LIAS: variants seen among roughly 807,000 people sequenced by gnomAD.
The protein encoded by LIAS is lipoyl synthase, mitochondrial.
Under a neutral mutation model 49.4 loss-of-function variants are expected in LIAS, and 36 were observed. The ratio of observed to expected loss-of-function variants is 0.73; its 90% CI spans 0.56 to 0.96. The LOEUF is 0.96. LIAS is among the 40% of genes least tolerant of loss of function. The pLI, the probability that LIAS is intolerant of heterozygous loss-of-function variation, is 0.00. For synonymous variants in LIAS, 145 were observed against 155.8 expected (o/e 0.93, Z 0.52); for missense variants, 399 against 456.3 (o/e 0.87, Z 1.14).
At chr4:39,469,066 G>A (rs567864771) in intron 7 of LIAS, 3 of 151,962 alleles carry the variant, frequency 2.0e-5, no homozygotes, top group African/African-American at 4.8e-5. Flanking sequence ...TTTAAGCTTC[G>A]GGCAAGAGTA....
At chr4:39,465,733 C>A (rs929015788) in intron 6 of LIAS, among the ~76,000 whole-genome samples, 7 of 150,610 alleles carry the variant, frequency 4.6e-5, no homozygotes, top group Non-Finnish European at 7.4e-5. Context: ...GGCACCATCT[C>A]ACTGCAACCT....
chr4:39,477,118 C>T lies in LIAS; in HGVS notation c.*3C>T, dbSNP rs764753391. On this transcript the variant is annotated 3_prime_UTR_variant, in exon 11 of 11. Coordinates refer to ENST00000640888, the MANE Select transcript of LIAS (RefSeq NM_006859.4). ...AAAGAAAAACAAAAGACCTCTAAAA[C>T]TTCAACAAGACCTTCAAGATCACAG... The T allele has an allele frequency of 2.1e-5, 34 of 1,594,970 alleles. No individual in the cohort carries two copies. Among genetic ancestry groups the T allele is most frequent in the African/African-American group, 2.7e-5 (2 of 73,722 alleles).
At chr4:39,472,189 A>G (rs1003650479) in intron 9 of LIAS, among the ~76,000 whole-genome samples, 2 of 152,200 alleles carry the variant, frequency 1.3e-5, no homozygotes, top group Non-Finnish European at 2.9e-5. Context: ...AGCTAGAGAA[A>G]AAATTTTTTG....
intron 6 of LIAS, 52 bp downstream of exon 6, chr4:39,465,394 GTTAAGT>G (rs1334695038): frequency 2.7e-6 from 4 of 1,503,088 alleles, no homozygotes; most frequent in South Asian, 2.5e-5. Context: ...ACCCATATGA[GTTAAGT>G]TTAAGTTCAT....
At chr4:39,460,307 G>C (rs1395328774) in intron 1 of LIAS, among the ~76,000 whole-genome samples, 1 of 152,118 alleles carries the variant, frequency 6.6e-6, no homozygotes, top group Non-Finnish European at 1.5e-5. Context: ...CGAGGCAGGT[G>C]GATCACCTGA....
At chr4:39,464,591 G>C (rs964063779) in intron 4 of LIAS, among the ~76,000 whole-genome samples, 1 of 152,126 alleles carries the variant, frequency 6.6e-6, no homozygotes, top group African/African-American at 2.4e-5. Flanking sequence ...CGAACTCCTA[G>C]GCTCAAGTAA....
intron 4 of LIAS, chr4:39,463,888 G>T: frequency 2.5e-6 from 1 of 401,986 alleles, no homozygotes; most frequent in Non-Finnish European, 3.9e-6. Context: ...ATTCATGATT[G>T]CTTAGCTTTT....
chr4:39,464,431 G>A (rs1744677585), intron 4 of LIAS, among the ~76,000 whole-genome samples: 1 of 151,812 alleles, frequency 6.6e-6, no homozygotes. Flanking sequence ...TAAAACGTTA[G>A]CATTATCTTT....
chr4:39,463,458 C>A, intron 3 of LIAS, 67 bp from the exon 4 acceptor site: 1 of 1,431,680 alleles, frequency 7.0e-7, no homozygotes, highest in South Asian at 1.6e-5. Context: ...TGTCTAATCA[C>A]AGTCACCAAC....
rs369781748 is a variant in LIAS, at chr4:39,476,555, C to T, written c.1067-508C>T. 10 of 152,832 alleles carry T rather than the reference C, an allele frequency of 6.5e-5. No homozygotes were observed. The South Asian group carries it at 1.4e-3, about 22-fold the overall frequency. The allele number at this position is 152,832 out of a possible 1,614,324, so 9.5% of individuals were successfully genotyped here. A position where few individuals can be genotyped will look rare whatever the true frequency, so the allele number is the denominator to read the frequency against. ...ACTTATTGCGTAGGCACAACTCAGG[C>T]GGTGGGGAGAAAGCCCATTACAAAT... is the stretch of plus-strand genomic sequence containing the variant. On this transcript the variant is annotated intron_variant, in intron 10 of 10. Coordinates refer to ENST00000640888, the MANE Select transcript of LIAS (RefSeq NM_006859.4).
At position 39,471,138 on chromosome 4, in the gene LIAS, A is replaced by ACACCGTTTTTAAATT. The variant is rs1744964023; in HGVS notation, c.884-98_884-97insCACCGTTTTTAAATT. The ACACCGTTTTTAAATT allele has an allele frequency of 6.9e-6, 6 of 865,416 alleles. No individual in the cohort carries two copies. In the South Asian group the frequency reaches 8.4e-5, roughly 12 times the overall value. The allele number at this position is 865,416 out of a possible 1,614,324, so 53.6% of individuals were successfully genotyped here. A position where few individuals can be genotyped will look rare whatever the true frequency, so the allele number is the denominator to read the frequency against. The stretch of plus-strand genomic sequence containing the variant: ...CCCAACATGAAGATTATGGACTGTC[A>ACACCGTTTTTAAATT]TAAAGTTCACACCGTTTTTAAATAT... On this transcript the variant is annotated intron_variant, in intron 8 of 10. Coordinates refer to ENST00000640888, the MANE Select transcript of LIAS (RefSeq NM_006859.4).
In LIAS at chr4:39,462,342, G is replaced by A. The variant is rs148167149; in HGVS notation, c.312+53G>A. The stretch of plus-strand genomic sequence containing the variant: ...TCTTCACCAAAAGCCATGTTTCTAC[G>A]TTTATATAACTTAAAAATTATTAAT... On this transcript the variant is annotated intron_variant, in intron 3 of 10. Transcript: ENST00000640888. 1.7e-4 allele frequency: 128 copies of A among 763,484 alleles called. No homozygotes were observed. In the East Asian group the frequency reaches 2.6e-3, roughly 15 times the overall value. The allele number at this position is 763,484 out of a possible 1,614,324, so 47.3% of individuals were successfully genotyped here. A position where few individuals can be genotyped will look rare whatever the true frequency, so the allele number is the denominator to read the frequency against.
rs2109895580 is a variant in LIAS at position 39,478,067 on chromosome 4, A to T, written c.*952A>T. 2 of 152,378 alleles carry T rather than the reference A, an allele frequency of 1.3e-5. No homozygotes were observed. Among genetic ancestry groups the T allele is most frequent in the Middle Eastern group, 6.8e-3 (2 of 294 alleles). The allele number at this position is 152,378 out of a possible 1,614,324, so 9.4% of individuals were successfully genotyped here. A position where few individuals can be genotyped will look rare whatever the true frequency, so the allele number is the denominator to read the frequency against. On this transcript the variant is annotated 3_prime_UTR_variant, in exon 11 of 11. Coordinates refer to ENST00000640888, the MANE Select transcript of LIAS (RefSeq NM_006859.4). ...TTTATGAAAAATAAAAACTTCATTT[A>T]TGTTACTGTGATGAAACAGTCAACA...
chr4:39,462,634 T>A (rs1744566209), intron 3 of LIAS, among the ~76,000 whole-genome samples: 1 of 152,250 alleles, frequency 6.6e-6, no homozygotes, highest in African/African-American at 2.4e-5. Flanking sequence ...ATATAATCTT[T>A]CAGACTTTTT....
At chr4:39,474,439 A>G (rs2109889857) in intron 10 of LIAS, among the ~76,000 whole-genome samples, 1 of 151,540 alleles carries the variant, frequency 6.6e-6, no homozygotes, top group South Asian at 2.1e-4. Context: ...TGTCTCAAAA[A>G]TAAAATAAAA....
chr4:39,469,229 G>A (rs896118979), intron 7 of LIAS: 1 of 152,146 alleles, frequency 6.6e-6, no homozygotes, highest in Non-Finnish European at 1.5e-5. Flanking sequence ...TAATTTCAGT[G>A]GAGAAATTCT....
intron 8 of LIAS, 133 bp downstream of exon 8, chr4:39,470,297 C>A: frequency 1.8e-6 from 1 of 559,896 alleles, no homozygotes; most frequent in East Asian, 2.9e-5. Context: ...AGGAAACCAA[C>A]TTGCACATGC....
chr4:39,478,542 A>G lies in LIAS; in HGVS notation c.*1427A>G, dbSNP rs1258632860. 6.6e-6 allele frequency: 1 copy of G among 152,230 alleles called. No homozygotes were observed. The highest frequency in any genetic ancestry group is 6.5e-5 in the Admixed American group (1 of 15,276). The allele number at this position is 152,230 out of a possible 1,614,324, so 9.4% of individuals were successfully genotyped here. On this transcript the variant is annotated 3_prime_UTR_variant, in exon 11 of 11. Transcript: ENST00000640888. ...GTTGATTTTTTACATTGGTGTGACT[A>G]CTTCAGAACCTGCAAAATAGTTTTA...
At chr4:39,469,842 C>T (rs1314478803) in intron 7 of LIAS, 177 bp from the exon 8 acceptor site, 5 of 465,212 alleles carry the variant, frequency 1.1e-5, no homozygotes, top group Non-Finnish European at 1.9e-5. Flanking sequence ...ACTAGGGAGC[C>T]CAGTGAGGCC....
Sources: allele counts gnomAD v4.1 joint callset (sites outside exome capture counted in the v4.1 genomes callset), GRCh38; gene constraint gnomAD v4.1.1; transcripts MANE v1.5; gene names NCBI Gene and HGNC (gene_info 2026-07-23, HGNC 2026-07-21).